The following ATOSA variants were observed in gnomAD, a reference collection of about 807,000 sequenced individuals.
The protein encoded by ATOSA is atos homolog A.
chr15:52,595,629 G>A, the ATOSA span, among the ~76,000 whole-genome samples: 1 of 151,738 alleles, frequency 6.6e-6, no homozygotes. Context: ...AAAATCCCAA[G>A]GATTATTTTT....
At chr15:52,638,373 T>G in the ATOSA span, among the ~76,000 whole-genome samples, 2 of 152,100 alleles carry the variant, frequency 1.3e-5, no homozygotes, top group Non-Finnish European at 2.9e-5. Flanking sequence ...GAGTGAACCC[T>G]AACGTAAACT....
the ATOSA span, among the ~76,000 whole-genome samples, chr15:52,641,927 T>G: frequency 6.6e-6 from 1 of 152,248 alleles, no homozygotes; most frequent in Non-Finnish European, 1.5e-5. Context: ...ATTGGATGAC[T>G]CTGTGGTCAT....
At chr15:52,667,882 G>T in the ATOSA span, among the ~76,000 whole-genome samples, 1 of 152,172 alleles carries the variant, frequency 6.6e-6, no homozygotes, top group Non-Finnish European at 1.5e-5. Flanking sequence ...CGGTTAGAAT[G>T]GCTGGAGACA....
the ATOSA span, chr15:52,629,587 A>G: frequency 2.5e-6 from 1 of 395,456 alleles, no homozygotes; most frequent in South Asian, 1.7e-5. Flanking sequence ...GCACATCATG[A>G]GCTCAGGAGT....
chr15:52,667,318 T>C, the ATOSA span, among the ~76,000 whole-genome samples: 2 of 152,236 alleles, frequency 1.3e-5, no homozygotes, highest in African/African-American at 2.4e-5. Flanking sequence ...TCCAAAACTT[T>C]TGTAAATGTT....
chr15:52,660,409 C>T, the ATOSA span, among the ~76,000 whole-genome samples: 2 of 152,302 alleles, frequency 1.3e-5, no homozygotes, highest in Non-Finnish European at 2.9e-5. Flanking sequence ...TGCACATATA[C>T]CTTTGGCCTG....
the ATOSA span, among the ~76,000 whole-genome samples, chr15:52,650,160 T>C: frequency 1.3e-5 from 2 of 152,198 alleles, no homozygotes. Context: ...GACTTTCATG[T>C]GGTTAGTCAT....
chr15:52,670,797 T>C, the ATOSA span, among the ~76,000 whole-genome samples: 1 of 152,200 alleles, frequency 6.6e-6, no homozygotes, highest in Non-Finnish European at 1.5e-5. Flanking sequence ...CACATTTATA[T>C]AGCATCTCAT....
the ATOSA span, chr15:52,609,199 C>A: frequency 2.9e-5 from 46 of 1,612,348 alleles, no homozygotes; most frequent in Non-Finnish European, 1.5e-5. Context: ...CTTTTCTTTA[C>A]TATTATTTTT....
chr15:52,638,564 G>A, the ATOSA span, among the ~76,000 whole-genome samples: 1 of 152,052 alleles, frequency 6.6e-6, no homozygotes, highest in Non-Finnish European at 1.5e-5. Flanking sequence ...CATGAGGCAT[G>A]GTGGTGAGCA....
At chr15:52,621,834 C>A in the ATOSA span, among the ~76,000 whole-genome samples, 1 of 151,136 alleles carries the variant, frequency 6.6e-6, no homozygotes, top group African/African-American at 2.4e-5. Flanking sequence ...CATGAGAATA[C>A]ACTAACATAC....
chr15:52,582,234 C>G, the ATOSA span: 1 of 1,603,536 alleles, frequency 6.2e-7, no homozygotes, highest in Non-Finnish European at 8.5e-7. Context: ...CTATCAACCT[C>G]CATTGACTTT....
the ATOSA span, among the ~76,000 whole-genome samples, chr15:52,602,205 A>G: frequency 6.6e-6 from 1 of 152,130 alleles, no homozygotes; most frequent in Non-Finnish European, 1.5e-5. Flanking sequence ...TTGCTGTTTA[A>G]TTCATCTGTA....
the ATOSA span, among the ~76,000 whole-genome samples, chr15:52,662,247 G>A: frequency 6.6e-6 from 1 of 152,096 alleles, no homozygotes; most frequent in South Asian, 2.1e-4. Flanking sequence ...AACACAGCTA[G>A]GAAAGCTTAT....
At chr15:52,591,121 T>G in the ATOSA span, among the ~76,000 whole-genome samples, 1 of 152,364 alleles carries the variant, frequency 6.6e-6, no homozygotes, top group East Asian at 1.9e-4. Context: ...TTAATTTCCA[T>G]CAAAGATATT....
the ATOSA span, among the ~76,000 whole-genome samples, chr15:52,633,202 A>G: frequency 6.6e-6 from 1 of 152,186 alleles, no homozygotes; most frequent in African/African-American, 2.4e-5. Context: ...TGGAGGGAAA[A>G]CCTGATTTCT....
the ATOSA span, among the ~76,000 whole-genome samples, chr15:52,659,902 A>G: frequency 7.9e-5 from 12 of 152,224 alleles, no homozygotes; most frequent in Admixed American, 6.5e-4. Context: ...AAACAGTGGT[A>G]ACACACTTAG....
chr15:52,648,641 C>T, the ATOSA span: 1 of 151,984 alleles, frequency 6.6e-6, no homozygotes, highest in Non-Finnish European at 1.5e-5. Context: ...ATTAAGAAAA[C>T]AGAAACCAAC....
the ATOSA span, among the ~76,000 whole-genome samples, chr15:52,653,069 T>C: frequency 6.6e-6 from 1 of 152,204 alleles, no homozygotes; most frequent in Non-Finnish European, 1.5e-5. Flanking sequence ...TTATTTGCAT[T>C]CTTCCTATAA....
Sources: gnomAD v4.1 joint callset for allele counts (sites outside exome capture counted in the v4.1 genomes callset) on GRCh38, gnomAD v4.1.1 for gene constraint, MANE v1.5 for transcripts, NCBI Gene and HGNC (gene_info 2026-07-23, HGNC 2026-07-21) for gene names.